Variants in ATXN10 observed in about 807,000 individuals in gnomAD.
The protein encoded by ATXN10 is ataxin-10.
ATXN10 carries 28 observed loss-of-function variants against 52.9 expected under a neutral mutation model. That is an observed-to-expected ratio of 0.53 (90% confidence interval 0.39 to 0.73). The LOEUF (loss-of-function observed/expected upper bound fraction) is 0.73. ATXN10 is among the 30% of genes least tolerant of loss of function. The pLI is 0.00. For missense variants in ATXN10, 565 were observed against 577.0 expected (o/e 0.98, Z 0.21); for synonymous variants, 226 against 221.5 (o/e 1.02, Z -0.18).
chr22:45,836,522 A>T (rs984868555), intron 10 of ATXN10, among the ~76,000 whole-genome samples: 4 of 152,134 alleles, frequency 2.6e-5, no homozygotes, highest in Non-Finnish European at 1.5e-5. Context: ...CAGGAAGCCC[A>T]GGGCTCCCTG....
At position 45,819,587 on chromosome 22, in the gene ATXN10, C is replaced by G. The variant is rs1240511805; in HGVS notation, c.1237+12565C>G. Among the ~76,000 whole-genome samples the G allele has an allele frequency of 6.6e-6, 1 of 152,136 alleles. No homozygotes were observed. Among genetic ancestry groups the G allele is most frequent in the African/African-American group, 2.4e-5 (1 of 41,418 alleles). ...GGGCACTTCTGTGATCACAGCAGTC[C>G]CATGCAGGAAGCTTTACCTTCAGGA... On this transcript the variant is annotated intron_variant, in intron 10 of 11. Coordinates refer to ENST00000252934, the MANE Select transcript of ATXN10 (RefSeq NM_013236.4). This position sits in a 1 kb window ranked among gnomAD's most constrained non-coding sequence, Gnocchi z 4.5.
rs530140765 is a variant in ATXN10 at position 45,824,133 on chromosome 22, G to A, written c.1237+17111G>A. Among the ~76,000 whole-genome samples, 113 of 152,174 alleles carry A rather than the reference G, an allele frequency of 7.4e-4. No homozygotes were observed. In the South Asian group the frequency reaches 7.9e-3, roughly 11 times the overall value. ...CCTTCCCCACGCTCTTACCTGCTGA[G>A]TGTAGTCAGCCCGTCCTGTTTTCCC... On this transcript the variant is annotated intron_variant, in intron 10 of 11. Coordinates refer to ENST00000252934, the MANE Select transcript of ATXN10 (RefSeq NM_013236.4). This position sits in a 1 kb window ranked among gnomAD's most constrained non-coding sequence, Gnocchi z 5.2.
Position 45,842,904 on chromosome 22 carries a change from G to C in ATXN10, c.1238-87G>C, listed in dbSNP as rs1929392207. ...TTGATACTGGATGTTCCGTGTTTCT[G>C]TGCTCCTCTACTCCTTTTCTGATAA... On this transcript the variant is annotated intron_variant, in intron 10 of 11. Transcript: ENST00000252934. The surrounding 1 kb of genome is among the most constrained non-coding windows in gnomAD (Gnocchi z 4.8). 4 of 1,418,264 alleles carry C rather than the reference G, an allele frequency of 2.8e-6. No individual in the cohort carries two copies. Among genetic ancestry groups the C allele is most frequent in the Admixed American group, 3.4e-5 (2 of 58,916 alleles). The allele number at this position is 1,418,264 out of a possible 1,614,324, so 87.9% of individuals were successfully genotyped here.
In ATXN10 at chr22:45,681,730, G is replaced by A. The variant is rs1922931373; in HGVS notation, c.117-7982G>A. Among the ~76,000 whole-genome samples, 1 of 152,092 alleles carries A rather than the reference G, an allele frequency of 6.6e-6. No individual in the cohort carries two copies. Among genetic ancestry groups the A allele is most frequent in the South Asian group, 2.1e-4 (1 of 4,826 alleles). On this transcript the variant is annotated intron_variant, in intron 1 of 11. Coordinates refer to ENST00000252934, the MANE Select transcript of ATXN10 (RefSeq NM_013236.4). This position sits in a 1 kb window ranked among gnomAD's most constrained non-coding sequence, Gnocchi z 4.2. ...TTTAACTTGCTGATCACTAACTAAC[G>A]TGGCCCTTAATGCTACCTGTCAGTC...
rs1929465705 is a variant in ATXN10 at position 45,845,032 on chromosome 22, C to T, written c.*1361C>T. ...CATTTTTTCTCTCATTTATGACTTT[C>T]CATCAGTAAAGAAGCCATTGCAGAA... On this transcript the variant is annotated 3_prime_UTR_variant, in exon 12 of 12. Coordinates refer to ENST00000252934, the MANE Select transcript of ATXN10 (RefSeq NM_013236.4). The surrounding 1 kb of genome is among the most constrained non-coding windows in gnomAD (Gnocchi z 4.7). 6.6e-6 allele frequency: 1 copy of T among 152,184 alleles called. No homozygotes were observed. Among genetic ancestry groups the T allele is most frequent in the African/African-American group, 2.4e-5 (1 of 41,434 alleles). 9.4% of individuals were successfully genotyped at this position (152,184 alleles called of 1,614,324 possible). A position where few individuals can be genotyped will look rare whatever the true frequency, so the allele number is the denominator to read the frequency against.
In ATXN10 at chr22:45,780,864, A is replaced by G. The variant is rs1927124867; in HGVS notation, c.1174-26095A>G. Among the ~76,000 whole-genome samples the G allele has an allele frequency of 6.6e-6, 1 of 152,136 alleles. No individual in the cohort carries two copies. The highest frequency in any genetic ancestry group is 6.5e-5 in the Admixed American group (1 of 15,272). ...TAAATACATCCAGAACCCTGTCATC[A>G]TATATGAAACAATCATGGAAACACG... On this transcript the variant is annotated intron_variant, in intron 9 of 11. Coordinates refer to ENST00000252934, the MANE Select transcript of ATXN10 (RefSeq NM_013236.4). This position sits in a 1 kb window ranked among gnomAD's most constrained non-coding sequence, Gnocchi z 4.0.
chr22:45,751,763 A>AAAAAAAT, intron 9 of ATXN10, among the ~76,000 whole-genome samples: 2 of 66,624 alleles, frequency 3.0e-5, no homozygotes, highest in African/African-American at 7.2e-5. Context: ...AATAAAAAAA[A>AAAAAAAT]AATAATAATA....
intron 5 of ATXN10, among the ~76,000 whole-genome samples, chr22:45,710,311 C>T (rs1053979654): frequency 4.6e-5 from 7 of 152,238 alleles, no homozygotes; most frequent in Middle Eastern, 6.8e-3. Context: ...TCTTTACATC[C>T]GCTGTCTTTC....
intron 2 of ATXN10, among the ~76,000 whole-genome samples, chr22:45,691,523 T>C (rs1923374857): frequency 6.6e-6 from 1 of 152,214 alleles, no homozygotes; most frequent in South Asian, 2.1e-4. Flanking sequence ...GCTGGGAACA[T>C]TCTCTCCATA....
In ATXN10 at chr22:45,693,036, C is replaced by G. The variant is rs1216098042; in HGVS notation, c.349C>G (p.Leu117Val). 1 of 1,614,120 alleles carries G rather than the reference C, an allele frequency of 6.2e-7. No homozygotes were observed. The change falls in exon 3 of 12, where the codon CTG becomes GTG. Residue 117 changes from leucine (L) to valine (V), a missense_variant. Transcript: ENST00000252934. ...TIGVAVDLIL[L>V]FRELRVEQES... Reference sequence around the variant, plus strand: ...TGGTGTTGCTGTTGATTTGATTCTTCTGTTTCGTGAACTGCGAGTGGAACA... The same window carrying G: ...TGGTGTTGCTGTTGATTTGATTCTTGTGTTTCGTGAACTGCGAGTGGAACA...
At position 45,842,692 on chromosome 22, in the gene ATXN10, TA is replaced by T. The variant is rs1929386395; in HGVS notation, c.1238-298del. Among the ~76,000 whole-genome samples the T allele has an allele frequency of 6.6e-6, 1 of 152,234 alleles. No individual in the cohort carries two copies. The highest frequency in any genetic ancestry group is 2.4e-5 in the African/African-American group (1 of 41,466). Reference sequence around the variant, plus strand: ...TGGGTTCATAAACTTCAGTTTGAGCTACTCTAAGTCTTTGCTTCCTTGTTCA... The same window carrying T: ...TGGGTTCATAAACTTCAGTTTGAGCTCTCTAAGTCTTTGCTTCCTTGTTCA... On this transcript the variant is annotated intron_variant, in intron 10 of 11. Coordinates refer to ENST00000252934, the MANE Select transcript of ATXN10 (RefSeq NM_013236.4). This position sits in a 1 kb window ranked among gnomAD's most constrained non-coding sequence, Gnocchi z 4.8.
intron 9 of ATXN10, among the ~76,000 whole-genome samples, chr22:45,753,376 G>GGTTTT (rs1601625157): frequency 1.7e-5 from 2 of 121,106 alleles, no homozygotes; most frequent in South Asian, 5.5e-4. Context: ...CCTCTTACCA[G>GGTTTT]CTTTTTTTTT....
chr22:45,815,491 T>C (rs144001198), intron 10 of ATXN10, among the ~76,000 whole-genome samples: 1 of 152,328 alleles, frequency 6.6e-6, no homozygotes, highest in East Asian at 1.9e-4. Flanking sequence ...AATCATTTAT[T>C]GAGTGCTTTT....
At chr22:45,695,695 C>A (rs982602048) in intron 3 of ATXN10, among the ~76,000 whole-genome samples, 4 of 151,928 alleles carry the variant, frequency 2.6e-5, no homozygotes, top group African/African-American at 9.7e-5. Context: ...TGGGGTTTCA[C>A]CTTGGCCAGG....
intron 9 of ATXN10, among the ~76,000 whole-genome samples, chr22:45,755,989 A>G (rs1326289404): frequency 6.6e-6 from 1 of 151,632 alleles, no homozygotes. Flanking sequence ...CTGCACCACT[A>G]CATAGCCACC....
In ATXN10 at chr22:45,701,223, C is replaced by A. The variant is rs1257902860; in HGVS notation, c.488+845C>A. Among the ~76,000 whole-genome samples the A allele has an allele frequency of 6.6e-6, 1 of 152,184 alleles. No homozygotes were observed. Among genetic ancestry groups the A allele is most frequent in the Non-Finnish European group, 1.5e-5 (1 of 68,040 alleles). ...TATCCGTATATTTTTTCTGTTCTCA[C>A]AATAGCCTGCAGAGTAAGTGTTACT... On this transcript the variant is annotated intron_variant, in intron 4 of 11. Coordinates refer to ENST00000252934, the MANE Select transcript of ATXN10 (RefSeq NM_013236.4). This position sits in a 1 kb window ranked among gnomAD's most constrained non-coding sequence, Gnocchi z 4.2.
chr22:45,834,361 A>C (rs929630074), intron 10 of ATXN10, among the ~76,000 whole-genome samples: 7 of 152,108 alleles, frequency 4.6e-5, no homozygotes, highest in African/African-American at 1.7e-4. Context: ...CTGGGTTTCC[A>C]TTGACTCCCA....
chr22:45,740,772 A>G (rs930569261), intron 9 of ATXN10: 2 of 241,898 alleles, frequency 8.3e-6, no homozygotes, highest in Non-Finnish European at 1.6e-5. Context: ...ATATATGTAT[A>G]TGTTAATATA....
At position 45,671,969 on chromosome 22, in the gene ATXN10, C is replaced by G; in HGVS notation, c.-95C>G. ...GTAGGGCGAGGCCTCCCCCTTCCTC[C>G]TCGCCATCCTACTCCTCCCTCCTCG... is the stretch of plus-strand genomic sequence containing the variant. On this transcript the variant is annotated 5_prime_UTR_variant, in exon 1 of 12. Transcript: ENST00000252934. 7.1e-7 allele frequency: 1 copy of G among 1,403,620 alleles called. No individual in the cohort carries two copies. The highest frequency in any genetic ancestry group is 9.6e-7 in the Non-Finnish European group (1 of 1,038,022). 86.9% of individuals were successfully genotyped at this position (1,403,620 alleles called of 1,614,324 possible). A position where few individuals can be genotyped will look rare whatever the true frequency, so the allele number is the denominator to read the frequency against.
Sources: allele counts gnomAD v4.1 joint callset (sites outside exome capture counted in the v4.1 genomes callset), GRCh38; gene constraint gnomAD v4.1.1; non-coding constraint Gnocchi (gnomAD v3.1); transcripts MANE v1.5; gene names NCBI Gene and HGNC (gene_info 2026-07-23, HGNC 2026-07-21).